GPHN: variants seen among roughly 807,000 people sequenced by gnomAD.
GPHN encodes the protein gephyrin.
GPHN carries 17 observed loss-of-function variants against 95.5 expected under a neutral mutation model. That is an observed-to-expected ratio of 0.18 (90% CI 0.12 to 0.27). The LOEUF (loss-of-function observed/expected upper bound fraction) is 0.27. GPHN is among the 10% of genes least tolerant of loss of function. GPHN has a pLI of 1.00. For synonymous variants in GPHN, 320 were observed against 322.5 expected (o/e 0.99, Z 0.08); for missense variants, 660 against 978.1 (o/e 0.67, Z 4.34).
At chr14:67,536,602 T>C in the GPHN span, among the ~76,000 whole-genome samples, 1 of 151,886 alleles carries the variant, frequency 6.6e-6, no homozygotes, top group Non-Finnish European at 1.5e-5. Context: ...CTCTTTCTTT[T>C]AGGGTCCTGT....
At chr14:67,214,108 T>C in the GPHN span, among the ~76,000 whole-genome samples, 4 of 152,370 alleles carry the variant, frequency 2.6e-5, no homozygotes, top group South Asian at 8.3e-4. Flanking sequence ...CCTCCCATTT[T>C]ATAGGTTGGC....
At chr14:67,245,865 AT>A in the GPHN span, among the ~76,000 whole-genome samples, 12,230 of 151,236 alleles carry the variant, frequency 0.081, 1,162 homozygotes, top group African/African-American at 0.23. Context: ...TTTTTCTCCA[AT>A]TTTTTTTTCC....
intron 3 of GPHN, among the ~76,000 whole-genome samples, chr14:66,788,002 A>G (rs1323588598): frequency 6.6e-6 from 1 of 152,198 alleles, no homozygotes; most frequent in Non-Finnish European, 1.5e-5. Context: ...GAGCTCATCA[A>G]CATAAAAAAA....
At chr14:67,166,706 G>A (rs2082300070) in intron 20 of GPHN, among the ~76,000 whole-genome samples, 1 of 152,186 alleles carries the variant, frequency 6.6e-6, no homozygotes, top group African/African-American at 2.4e-5. Flanking sequence ...GTCTGGCTCT[G>A]TCGCCCAGGC....
the GPHN span, among the ~76,000 whole-genome samples, chr14:67,416,758 T>C: frequency 6.6e-6 from 1 of 152,252 alleles, no homozygotes; most frequent in Admixed American, 6.5e-5. Flanking sequence ...ACAAGGTATC[T>C]TTTCCATTAA....
chr14:67,593,149 T>C, the GPHN span: 1 of 162,540 alleles, frequency 6.2e-6, no homozygotes, highest in Admixed American at 5.9e-5. Context: ...AGTAGAACAC[T>C]TGATAGCTTT....
chr14:66,565,787 A>G (rs1338548782), intron 1 of GPHN, among the ~76,000 whole-genome samples: 1 of 152,206 alleles, frequency 6.6e-6, no homozygotes, highest in Non-Finnish European at 1.5e-5. Context: ...GTGAACTAAC[A>G]GATATTAACT....
chr14:66,766,786 T>A (rs111386437), intron 2 of GPHN, among the ~76,000 whole-genome samples: 78 of 152,270 alleles, frequency 5.1e-4, no homozygotes, highest in African/African-American at 1.6e-3. Flanking sequence ...TACATACATA[T>A]GTGCAAACAC....
the GPHN span, among the ~76,000 whole-genome samples, chr14:67,606,868 G>A: frequency 6.6e-6 from 1 of 152,022 alleles, no homozygotes; most frequent in Non-Finnish European, 1.5e-5. Context: ...GGATAGTCTC[G>A]ATCTCTTGAC....
chr14:67,690,108 C>G, the GPHN span: 1 of 919,662 alleles, frequency 1.1e-6, no homozygotes, highest in Non-Finnish European at 1.7e-6. Flanking sequence ...GCCACGGAAG[C>G]AGGTCCTCTC....
chr14:66,991,299 A>T (rs1303662932), intron 9 of GPHN, among the ~76,000 whole-genome samples: 1 of 152,162 alleles, frequency 6.6e-6, no homozygotes, highest in Non-Finnish European at 1.5e-5. Context: ...GACTACAAAA[A>T]TTACTACAAA....
intron 2 of GPHN, among the ~76,000 whole-genome samples, chr14:66,690,976 G>A (rs967776035): frequency 1.3e-5 from 2 of 152,116 alleles, no homozygotes; most frequent in African/African-American, 4.8e-5. Context: ...ACTCCTATAT[G>A]CTGACTCACT....
chr14:67,389,080 C>T, the GPHN span, among the ~76,000 whole-genome samples: 1 of 151,750 alleles, frequency 6.6e-6, no homozygotes, highest in Admixed American at 6.6e-5. Context: ...TACAAAACTG[C>T]GATTGGTGGT....
At chr14:67,397,945 A>G in the GPHN span, 2 of 743,800 alleles carry the variant, frequency 2.7e-6, no homozygotes, top group Non-Finnish European at 4.2e-6. Context: ...GTCTCCAAGG[A>G]AGACAGCAGG....
chr14:67,728,886 A>G, the GPHN span, among the ~76,000 whole-genome samples: 1 of 152,106 alleles, frequency 6.6e-6, no homozygotes, highest in Admixed American at 6.5e-5. Flanking sequence ...GATTGATACT[A>G]CTCACTACAT....
the GPHN span, chr14:67,199,905 G>T: frequency 6.8e-7 from 1 of 1,478,442 alleles, no homozygotes; most frequent in East Asian, 2.3e-5. Flanking sequence ...GAACCCCAGG[G>T]GCAGGACATC....
chr14:67,227,179 C>T, the GPHN span, among the ~76,000 whole-genome samples: 12 of 152,000 alleles, frequency 7.9e-5, no homozygotes, highest in Non-Finnish European at 1.5e-4. Flanking sequence ...TGGTGGCTCA[C>T]GCCTGTAATC....
chr14:66,778,995 C>T (rs1042910257), intron 3 of GPHN, among the ~76,000 whole-genome samples: 2 of 151,890 alleles, frequency 1.3e-5, no homozygotes, highest in Admixed American at 6.6e-5. Context: ...CCATCTGCCT[C>T]GGCCTCCCAA....
the GPHN span, chr14:67,204,558 G>A: frequency 6.2e-7 from 1 of 1,613,274 alleles, no homozygotes; most frequent in Non-Finnish European, 8.5e-7. Context: ...TGCAGTTTGT[G>A]ACTCTTTCTG....
Sources: allele counts gnomAD v4.1 joint callset (sites outside exome capture counted in the v4.1 genomes callset), GRCh38; gene constraint gnomAD v4.1.1; transcripts MANE v1.5; gene names NCBI Gene and HGNC (gene_info 2026-07-23, HGNC 2026-07-21).